Variants in CPSF3 observed in about 807,000 individuals in gnomAD.
CPSF3 encodes cleavage and polyadenylation specificity factor subunit 3.
In CPSF3, 57 loss-of-function variants were observed where a neutral mutation model predicts 84.1. That is an observed-to-expected ratio of 0.68 (90% confidence interval 0.55 to 0.85). The LOEUF (loss-of-function observed/expected upper bound fraction) is 0.85, where lower values mean the gene tolerates loss of function less well. CPSF3 is among the 40% of genes least tolerant of loss of function. The probability of loss-of-function intolerance (pLI) is 0.00; values close to 1 mark genes in which losing one functional copy is unlikely to be tolerated. For missense variants in CPSF3, 522 were observed against 838.8 expected (o/e 0.62, Z 4.66); for synonymous variants, 275 against 278.1 (o/e 0.99, Z 0.11).
At chr2:9,446,080 T>A in intron 10 of CPSF3, among the ~76,000 whole-genome samples, 1 of 152,222 alleles carries the variant, frequency 6.6e-6, no homozygotes, top group East Asian at 1.9e-4. Flanking sequence ...GCCCAGGCCC[T>A]TCCCCAGCAA....
chr2:9,436,774 A>AAAAAAAAAAAAAAAAAATAAT (rs139337028), intron 7 of CPSF3, among the ~76,000 whole-genome samples: 141 of 142,994 alleles, frequency 9.9e-4, no homozygotes, highest in African/African-American at 3.4e-3. Context: ...CCATCTCAAA[A>AAAAAAAAAAAAAAAAAATAAT]AATAATAATA....
intron 11 of CPSF3, among the ~76,000 whole-genome samples, chr2:9,449,056 A>G (rs1681226308): frequency 6.6e-6 from 1 of 151,318 alleles, no homozygotes; most frequent in Non-Finnish European, 1.5e-5. Flanking sequence ...TTGTGTAGAT[A>G]TGATGGAATA....
At chr2:9,440,403 C>G (rs928054385) in intron 7 of CPSF3, 88 bp from the exon 8 acceptor site, 2 of 1,027,442 alleles carry the variant, frequency 1.9e-6, no homozygotes, top group Non-Finnish European at 2.8e-6. Flanking sequence ...GTATGTGTAT[C>G]ATTTCTTGTT....
At chr2:9,436,553 C>T (rs1680789324) in intron 7 of CPSF3, among the ~76,000 whole-genome samples, 192 bp downstream of exon 7, 1 of 151,956 alleles carries the variant, frequency 6.6e-6, no homozygotes, top group Admixed American at 6.6e-5. Flanking sequence ...GTGGGGAGAT[C>T]ACGAGATCAG....
At chr2:9,454,539 C>CTTTTTTT (rs36115189) in intron 12 of CPSF3, among the ~76,000 whole-genome samples, 2 of 87,976 alleles carry the variant, frequency 2.3e-5, no homozygotes, top group Non-Finnish European at 4.5e-5. Flanking sequence ...CTCTTATACT[C>CTTTTTTT]TTTTTTTTTT....
chr2:9,437,459 G>A (rs1040306233), intron 7 of CPSF3, among the ~76,000 whole-genome samples: 4 of 152,072 alleles, frequency 2.6e-5, no homozygotes, highest in Non-Finnish European at 5.9e-5. Flanking sequence ...ATCCTAGTTA[G>A]GTAAAAAATG....
intron 14 of CPSF3, among the ~76,000 whole-genome samples, chr2:9,458,368 C>T (rs1572799603): frequency 6.6e-6 from 1 of 152,082 alleles, no homozygotes; most frequent in Admixed American, 6.6e-5. Context: ...CACGCCACTG[C>T]ACTCCAACCT....
chr2:9,436,416 GATA>G (rs1261177069), intron 7 of CPSF3, 55 bp downstream of exon 7: 2 of 1,541,860 alleles, frequency 1.3e-6, no homozygotes, highest in Non-Finnish European at 1.8e-6. Flanking sequence ...ATTTTATCAA[GATA>G]ATAATGTGGT....
At chr2:9,443,281 C>T (rs529582529) in intron 9 of CPSF3, among the ~76,000 whole-genome samples, 1 of 152,340 alleles carries the variant, frequency 6.6e-6, no homozygotes, top group South Asian at 2.1e-4. Context: ...ATGATTCTCA[C>T]TGCCAGCACT....
chr2:9,452,388 T>G (rs1681364381), intron 11 of CPSF3, among the ~76,000 whole-genome samples: 2 of 152,140 alleles, frequency 1.3e-5, no homozygotes, highest in Non-Finnish European at 2.9e-5. Context: ...TTTAAATGGT[T>G]GTTATTTTAT....
intron 1 of CPSF3, among the ~76,000 whole-genome samples, chr2:9,428,564 G>T (rs1428958533): frequency 6.6e-6 from 1 of 152,124 alleles, no homozygotes; most frequent in Non-Finnish European, 1.5e-5. Flanking sequence ...GGACTCCCAA[G>T]GATCAGTTTT....
intron 14 of CPSF3, among the ~76,000 whole-genome samples, chr2:9,458,592 A>G (rs1681615168): frequency 6.6e-6 from 1 of 152,164 alleles, no homozygotes; most frequent in Non-Finnish European, 1.5e-5. Context: ...GCACCTTGGG[A>G]GGCCAAGGTG....
chr2:9,434,004 GA>G (rs1157754513), intron 6 of CPSF3, 44 bp downstream of exon 6: 2 of 1,182,276 alleles, frequency 1.7e-6, no homozygotes, highest in Non-Finnish European at 2.5e-6. Context: ...AATGTAAGCA[GA>G]TTTTTTTTCT....
intron 14 of CPSF3, among the ~76,000 whole-genome samples, chr2:9,457,239 ATG>A (rs1299042705): frequency 2.0e-5 from 3 of 151,152 alleles, no homozygotes; most frequent in Non-Finnish European, 4.4e-5. Context: ...AGCATTTTCT[ATG>A]TAGTCACAAA....
At chr2:9,442,905 G>A (rs1456226125) in intron 9 of CPSF3, among the ~76,000 whole-genome samples, 1 of 151,690 alleles carries the variant, frequency 6.6e-6, no homozygotes, top group Non-Finnish European at 1.5e-5. Context: ...CCTCACATCT[G>A]TAATCCTAGC....
At chr2:9,447,397 T>A (rs1681162287) in intron 10 of CPSF3, among the ~76,000 whole-genome samples, 1 of 152,046 alleles carries the variant, frequency 6.6e-6, no homozygotes, top group African/African-American at 2.4e-5. Flanking sequence ...GAGGATTGCT[T>A]GATCCCTGGA....
Position 9,443,543 on chromosome 2 carries a change from C to G in CPSF3, c.1124C>G (p.Thr375Ser), listed in dbSNP as rs1184844864. Residue 375 changes from threonine to serine, a missense_variant, in exon 10 of 18, where the codon ACT becomes AGT. Thr to Ser is a moderately conservative substitution (Grantham distance 58). Transcript: ENST00000238112. ...ATCATGTCTGAACCTGAAGAAATCA[C>G]TACTATGTCTGGACAGAAGTTACCA... is the stretch of plus-strand genomic sequence containing the variant. ...KHIMSEPEEI[T>S]TMSGQKLPLK... 1 of 1,613,872 alleles carries G rather than the reference C, an allele frequency of 6.2e-7. No individual in the cohort carries two copies. Among genetic ancestry groups the G allele is most frequent in the Non-Finnish European group, 8.5e-7 (1 of 1,179,928 alleles).
rs374440877 is a variant in CPSF3, at chr2:9,443,634, T to C, written c.1215T>C (p.Phe405=). ...AHTDYQQTSE[F]IRALKPPHVI... Reference sequence around the variant, plus strand: ...CGGATTACCAGCAAACCAGTGAATTTATTCGTGCTTTGAAACCGCCTCATG... The same window carrying C: ...CGGATTACCAGCAAACCAGTGAATTCATTCGTGCTTTGAAACCGCCTCATG... Residue 405 remains phenylalanine (F), a synonymous_variant, in exon 10 of 18, where the codon TTT becomes TTC. Transcript: ENST00000238112. The C allele has an allele frequency of 1.2e-5, 19 of 1,614,062 alleles. No homozygotes were observed. The highest frequency in any genetic ancestry group is 5.3e-5 in the African/African-American group (4 of 74,932).
chr2:9,465,318 C>T (rs934556618), intron 15 of CPSF3, among the ~76,000 whole-genome samples: 7 of 152,230 alleles, frequency 4.6e-5, no homozygotes, highest in African/African-American at 1.7e-4. Context: ...GTAGCACACA[C>T]GTACAGGCCT....
Sources: gnomAD v4.1 joint callset for allele counts (sites outside exome capture counted in the v4.1 genomes callset) on GRCh38, gnomAD v4.1.1 for gene constraint, MANE v1.5 for transcripts, NCBI Gene and HGNC (gene_info 2026-07-23, HGNC 2026-07-21) for gene names.